The following C16orf89 variants were observed in gnomAD, a reference collection of about 807,000 sequenced individuals.
The protein encoded by C16orf89 is chromosome 16 open reading frame 89.
In C16orf89, 57 loss-of-function variants were observed where a neutral mutation model predicts 41.5. That is an observed-to-expected ratio of 1.38 (90% confidence interval 1.11 to 1.71). The LOEUF is 1.71. Ranked by LOEUF, C16orf89 falls within the 40% of genes most tolerant of loss-of-function variation. The pLI is 0.00. For synonymous variants in C16orf89, 223 were observed against 190.6 expected (o/e 1.17, Z -1.40); for missense variants, 575 against 445.9 (o/e 1.29, Z -2.61).
chr16:5,051,869 G>T (rs778641901), intron 6 of C16orf89, among the ~76,000 whole-genome samples: 1 of 152,116 alleles, frequency 6.6e-6, no homozygotes, highest in Admixed American at 6.5e-5. Context: ...GGAGGTCGAG[G>T]TAGGCAGATC....
chr16:5,056,002 G>A (rs751948302), intron 5 of C16orf89, 51 bp downstream of exon 5: 3 of 1,123,908 alleles, frequency 2.7e-6, no homozygotes, highest in Middle Eastern at 5.7e-4. Context: ...TGTGTGTGTT[G>A]GTGGGGGGAC....
At chr16:5,060,580 T>G (rs1429409292) in intron 2 of C16orf89, 144 bp from the exon 3 acceptor site, 1 of 852,032 alleles carries the variant, frequency 1.2e-6, no homozygotes, top group South Asian at 2.6e-5. Flanking sequence ...TGGTCCCAGA[T>G]TGGGTTTGAA....
intron 5 of C16orf89, 22 bp downstream of exon 5, chr16:5,056,031 G>T: frequency 1.3e-6 from 2 of 1,573,448 alleles, no homozygotes; most frequent in South Asian, 1.1e-5. Flanking sequence ...CCTTTGCCCC[G>T]GGGGCAGAAT....
At chr16:5,048,618 A>G (rs747528900) in intron 6 of C16orf89, among the ~76,000 whole-genome samples, 2 of 152,212 alleles carry the variant, frequency 1.3e-5, no homozygotes, top group African/African-American at 4.8e-5. Context: ...TGGCCTTACA[A>G]GAAGTGCTCA....
downstream of C16orf89, chr16:5,044,038 G>T: frequency 2.6e-5 from 19 of 732,062 alleles, no homozygotes; most frequent in Non-Finnish European, 3.1e-5. Context: ...AAGAATTTGT[G>T]TTGAGTGGGA....
rs573767634 is a variant in C16orf89 at position 5,056,245 on chromosome 16, G to A, written c.628-57C>T. 3.9e-5 allele frequency: 58 copies of A among 1,495,702 alleles called. No individual in the cohort carries two copies. In the African/African-American group the frequency reaches 4.9e-4, roughly 13 times the overall value. 92.7% of individuals were successfully genotyped at this position (1,495,702 alleles called of 1,614,324 possible). A position where few individuals can be genotyped will look rare whatever the true frequency, so the allele number is the denominator to read the frequency against. ...TCAGTGGTACAGATGACAGACACAC[G>A]CCCTGCTATGGGAAAGTCTTGCAGT... On this transcript the variant is annotated intron_variant, in intron 4 of 7. Coordinates refer to ENST00000472572, the MANE Select transcript of C16orf89 (RefSeq NM_001098514.3).
chr16:5,062,082 G>T (rs1349918438), intron 2 of C16orf89, among the ~76,000 whole-genome samples: 2 of 152,216 alleles, frequency 1.3e-5, no homozygotes, highest in African/African-American at 4.8e-5. Context: ...CTGTGCAAAG[G>T]GTTGAATTGC....
Position 5,062,431 on chromosome 16 carries a change from G to T in C16orf89, c.352C>A (p.Leu118Ile), listed in dbSNP as rs1344617947. Residue 118 changes from leucine to isoleucine, a missense_variant, in exon 2 of 8, where the codon CTA becomes ATA. By Grantham distance (5) the Leu-to-Ile change is conservative (BLOSUM62 2). Transcript: ENST00000472572. ...HYLKLSDPKY[L>I]REFQLTLQPG... is the part of the protein sequence containing the mutation. ...ACACCCTGCGTGTGCTCACCTCTTA[G>T]GTACTTGGGATCACTCAGCTTGAGG... The T allele has an allele frequency of 1.2e-6, 2 of 1,612,260 alleles. No homozygotes were observed. The highest frequency in any genetic ancestry group is 1.7e-5 in the Admixed American group (1 of 59,598).
intron 2 of C16orf89, 59 bp from the exon 3 acceptor site, chr16:5,060,495 C>A (rs955253088): frequency 7.9e-6 from 12 of 1,520,288 alleles, no homozygotes; most frequent in Non-Finnish European, 1.1e-5. Flanking sequence ...AGCAGTGGGC[C>A]ACCCTGGTGT....
At chr16:5,061,717 C>T (rs141130301) in intron 2 of C16orf89, among the ~76,000 whole-genome samples, 1 of 152,204 alleles carries the variant, frequency 6.6e-6, no homozygotes, top group African/African-American at 2.4e-5. Context: ...GGGCTATGGT[C>T]CCTGCGGCTG....
chr16:5,063,057 A>C (rs1956661599), intron 1 of C16orf89, among the ~76,000 whole-genome samples: 1 of 152,138 alleles, frequency 6.6e-6, no homozygotes, highest in East Asian at 1.9e-4. Context: ...CCTTTTTCTA[A>C]TTCCCACAGA....
chr16:5,047,512 G>A (rs1458961571), intron 7 of C16orf89, among the ~76,000 whole-genome samples: 1 of 150,662 alleles, frequency 6.6e-6, no homozygotes, highest in African/African-American at 2.4e-5. Context: ...CTGTCACCTG[G>A]GCTGGAGTGC....
At chr16:5,060,263 A>T (rs564240662) in intron 3 of C16orf89, 23 bp downstream of exon 3, 4 of 1,584,642 alleles carry the variant, frequency 2.5e-6, no homozygotes, top group East Asian at 4.6e-5. Context: ...GTTTCCAGCA[A>T]ATAGGGCAAG....
At chr16:5,053,336 C>T (rs1204690491) in intron 6 of C16orf89, among the ~76,000 whole-genome samples, 1 of 151,852 alleles carries the variant, frequency 6.6e-6, no homozygotes, top group African/African-American at 2.4e-5. Flanking sequence ...TGCCACTGCA[C>T]TCCTGCCTGG....
chr16:5,062,348 G>A, intron 2 of C16orf89, 77 bp downstream of exon 2: 1 of 1,480,538 alleles, frequency 6.8e-7, no homozygotes, highest in Non-Finnish European at 9.0e-7. Context: ...CCCCAGGAGA[G>A]CCCACGCTGG....
At chr16:5,057,672 G>T (rs1956539126) in intron 4 of C16orf89, among the ~76,000 whole-genome samples, 1 of 151,632 alleles carries the variant, frequency 6.6e-6, no homozygotes, top group South Asian at 2.1e-4. Context: ...GGAATTACAG[G>T]TGCATGCCAC....
chr16:5,044,742 G>A, intron 7 of C16orf89: 2 of 1,029,594 alleles, frequency 1.9e-6, no homozygotes, highest in Non-Finnish European at 2.7e-6. Context: ...TACTCGGGAG[G>A]ATGAGGCAAG....
intron 1 of C16orf89, 100 bp downstream of exon 1, chr16:5,065,601 G>C: frequency 7.4e-7 from 1 of 1,344,846 alleles, no homozygotes; most frequent in African/African-American, 1.4e-5. Flanking sequence ...CTATACTGGG[G>C]CCAGGAGTCT....
At chr16:5,056,772 A>T (rs551273975) in intron 4 of C16orf89, among the ~76,000 whole-genome samples, 1 of 152,310 alleles carries the variant, frequency 6.6e-6, no homozygotes, top group South Asian at 2.1e-4. Flanking sequence ...ATTCCCTTGT[A>T]ATATGGTTTT....
Sources: allele counts gnomAD v4.1 joint callset (sites outside exome capture counted in the v4.1 genomes callset), GRCh38; gene constraint gnomAD v4.1.1; transcripts MANE v1.5; gene names NCBI Gene and HGNC (gene_info 2026-07-23, HGNC 2026-07-21).